Variants in SLC44A5 observed in about 807,000 individuals in gnomAD.
SLC44A5 encodes the protein choline transporter-like protein 5.
SLC44A5 carries 57 observed loss-of-function variants against 101.8 expected under a neutral mutation model. That is an observed-to-expected ratio of 0.56 (90% CI 0.45 to 0.70). The LOEUF is 0.70. SLC44A5 is among the 30% of genes least tolerant of loss of function. The pLI, the probability that SLC44A5 is intolerant of heterozygous loss-of-function variation, is 0.00. For synonymous variants in SLC44A5, 281 were observed against 290.9 expected (o/e 0.97, Z 0.35); for missense variants, 737 against 853.1 (o/e 0.86, Z 1.70).
intron 14 of SLC44A5, among the ~76,000 whole-genome samples, chr1:75,220,902 C>T (rs948253522): frequency 1.3e-5 from 2 of 152,154 alleles, no homozygotes; most frequent in African/African-American, 4.8e-5. Context: ...TAGGTTTACC[C>T]TGTATTCTCA....
At chr1:75,471,604 C>T (rs1030260781) in intron 2 of SLC44A5, among the ~76,000 whole-genome samples, 1 of 152,062 alleles carries the variant, frequency 6.6e-6, no homozygotes, top group Non-Finnish European at 1.5e-5. Context: ...TGTCTCTTCT[C>T]CAAATATGAT....
intron 1 of SLC44A5, among the ~76,000 whole-genome samples, chr1:75,566,701 C>T (rs2102023457): frequency 1.3e-5 from 2 of 152,262 alleles, no homozygotes; most frequent in South Asian, 2.1e-4. Context: ...GTTGAACTGA[C>T]AATGCATTTA....
intron 2 of SLC44A5, among the ~76,000 whole-genome samples, chr1:75,464,200 C>T (rs1202000002): frequency 2.6e-4 from 30 of 115,922 alleles, no homozygotes; most frequent in African/African-American, 9.2e-4. Context: ...CCAGCCTGGG[C>T]GACAGAGTGA....
At chr1:75,476,839 A>T (rs545594187) in intron 2 of SLC44A5, among the ~76,000 whole-genome samples, 113 of 152,342 alleles carry the variant, frequency 7.4e-4, no homozygotes, top group Admixed American at 1.2e-3. Context: ...AGACAAACAA[A>T]AAGACAGCAG....
chr1:75,707,910 G>C, the SLC44A5 span, among the ~76,000 whole-genome samples: 1 of 152,022 alleles, frequency 6.6e-6, no homozygotes, highest in Non-Finnish European at 1.5e-5. Flanking sequence ...ACTTGTCAAA[G>C]ATGAAAAAAT....
the SLC44A5 span, among the ~76,000 whole-genome samples, chr1:75,703,755 G>T: frequency 6.6e-6 from 1 of 152,022 alleles, no homozygotes; most frequent in Non-Finnish European, 1.5e-5. Context: ...TGGAGGTCAG[G>T]TGCCACGCCT....
intron 6 of SLC44A5, among the ~76,000 whole-genome samples, chr1:75,265,005 C>T (rs1444613390): frequency 6.6e-6 from 1 of 152,052 alleles, no homozygotes; most frequent in Non-Finnish European, 1.5e-5. Flanking sequence ...CACCAACAAA[C>T]TAGAAAAATG....
rs1340544491 is a variant in SLC44A5 at position 75,267,664 on chromosome 1, T to TC, written c.260+7293dup. Among the ~76,000 whole-genome samples, 3 of 152,242 alleles carry TC rather than the reference T, an allele frequency of 2.0e-5. No homozygotes were observed. In the East Asian group the frequency reaches 5.8e-4, roughly 29 times the overall value. On this transcript the variant is annotated intron_variant, in intron 6 of 23. Coordinates refer to ENST00000370859, the MANE Select transcript of SLC44A5 (RefSeq NM_001130058.2). ...CTCCTGGGCTCAAGCCATCCTCCCA[T>TC]CTCAGCCTCCTGATAGCTGGGACTA... is the stretch of plus-strand genomic sequence containing the variant.
chr1:75,330,966 CTTTTTTT>C (rs71071941), intron 4 of SLC44A5, among the ~76,000 whole-genome samples: 1 of 136,094 alleles, frequency 7.3e-6, no homozygotes, highest in Non-Finnish European at 1.6e-5. Context: ...AACTTTCTCT[CTTTTTTT>C]TTTTTTTTTT....
intron 1 of SLC44A5, among the ~76,000 whole-genome samples, chr1:75,563,733 A>G (rs1672642790): frequency 6.6e-6 from 1 of 152,142 alleles, no homozygotes; most frequent in Non-Finnish European, 1.5e-5. Flanking sequence ...ATAAGACCGC[A>G]TTATCCTAAA....
chr1:75,430,793 A>C (rs541278619), intron 2 of SLC44A5, among the ~76,000 whole-genome samples: 1 of 152,352 alleles, frequency 6.6e-6, no homozygotes, highest in African/African-American at 2.4e-5. Context: ...GTAGATAAGC[A>C]AGATAGTCTC....
the SLC44A5 span, among the ~76,000 whole-genome samples, chr1:75,647,191 A>T: frequency 6.6e-6 from 1 of 152,238 alleles, no homozygotes; most frequent in Non-Finnish European, 1.5e-5. Context: ...AAAGGGGCCA[A>T]CATATAGCCC....
intron 2 of SLC44A5, among the ~76,000 whole-genome samples, chr1:75,436,178 C>G (rs1325727934): frequency 1.3e-5 from 2 of 152,024 alleles, no homozygotes; most frequent in African/African-American, 4.8e-5. Context: ...AAAGAATCAT[C>G]TAAATTATGT....
At chr1:75,297,339 C>A in intron 5 of SLC44A5, among the ~76,000 whole-genome samples, 1 of 152,144 alleles carries the variant, frequency 6.6e-6, no homozygotes, top group Non-Finnish European at 1.5e-5. Context: ...GGCTGGGGTG[C>A]AGTGGCATAA....
At chr1:75,463,068 C>A (rs1460551083) in intron 2 of SLC44A5, among the ~76,000 whole-genome samples, 1 of 150,656 alleles carries the variant, frequency 6.6e-6, no homozygotes, top group African/African-American at 2.5e-5. Flanking sequence ...GCAGATTTAA[C>A]CCAAAGAAGT....
chr1:75,215,763 G>A lies in SLC44A5; in HGVS notation c.1719C>T (p.Ala573=), dbSNP rs1557531183. ...AAAATAATCTACCTACCATAATATA[G>A]GCATTTCTGTTTAAAAACTTTATTG... The part of the protein sequence containing the change: ...ENAIKFLNRN[A]YIMIAIYGRN... Residue 573 remains alanine (A), a synonymous_variant, in exon 19 of 24, where the codon GCC becomes GCT. Transcript: ENST00000370859. 5 of 1,579,952 alleles carry A rather than the reference G, an allele frequency of 3.2e-6. No homozygotes were observed. In the Middle Eastern group the frequency reaches 6.7e-4, roughly 211 times the overall value.
At chr1:75,266,252 C>A (rs534128933) in intron 6 of SLC44A5, among the ~76,000 whole-genome samples, 25 of 151,682 alleles carry the variant, frequency 1.6e-4, no homozygotes, top group African/African-American at 5.8e-4. Context: ...GTAAGTTTCC[C>A]CATTTTAGAG....
At chr1:75,217,602 C>A (rs1646988412) in intron 18 of SLC44A5, among the ~76,000 whole-genome samples, 2 of 152,046 alleles carry the variant, frequency 1.3e-5, no homozygotes, top group African/African-American at 4.8e-5. Context: ...TCTTAATCTC[C>A]TTTTTGAAAT....
At chr1:75,393,945 T>G (rs1342614774) in intron 3 of SLC44A5, among the ~76,000 whole-genome samples, 4 of 152,078 alleles carry the variant, frequency 2.6e-5, no homozygotes, top group Non-Finnish European at 4.4e-5. Flanking sequence ...TAAAGTCAAA[T>G]AAATAAGTCC....
Sources: gnomAD v4.1 joint callset for allele counts (sites outside exome capture counted in the v4.1 genomes callset) on GRCh38, gnomAD v4.1.1 for gene constraint, MANE v1.5 for transcripts, NCBI Gene and HGNC (gene_info 2026-07-23, HGNC 2026-07-21) for gene names.